The following TENM1 variants were observed in gnomAD, a reference collection of about 807,000 sequenced individuals.
TENM1 encodes the protein teneurin-1.
TENM1 carries 35 observed loss-of-function variants against 174.8 expected under a neutral mutation model. That is an observed-to-expected ratio of 0.20 (90% CI 0.15 to 0.27). The LOEUF (loss-of-function observed/expected upper bound fraction) is 0.27. Ranked by LOEUF, TENM1 falls within the 10% of genes least tolerant of loss-of-function variation. TENM1 has a pLI of 1.00. For synonymous variants in TENM1, 781 were observed against 798.7 expected, an observed-to-expected ratio of 0.98 and a Z score of 0.37; for missense variants, 1,633 against 2,130.1, an observed-to-expected ratio of 0.77 and a Z score of 4.59.
At chrX:124,977,961 TGTGTGTGAGAGAGAGA>T in the TENM1 span, among the ~76,000 whole-genome samples, 30 of 54,472 alleles carry the variant, frequency 5.5e-4, no homozygotes, top group African/African-American at 2.0e-3. Flanking sequence ...TGTGTGTGTG[TGTGTGTGAGAGAGAGA>T]GAGAGAGAGA....
the TENM1 span, among the ~76,000 whole-genome samples, chrX:125,113,331 AAC>A: frequency 9.0e-6 from 1 of 111,345 alleles, no homozygotes; most frequent in Admixed American, 9.6e-5. Flanking sequence ...AATATGCAAG[AAC>A]ACACAGGACA....
chrX:124,910,730 C>G (rs979930542), intron 1 of TENM1, among the ~76,000 whole-genome samples: 1 of 111,185 alleles, frequency 9.0e-6, no homozygotes, highest in Non-Finnish European at 1.9e-5. Flanking sequence ...GCATCAATTA[C>G]TTTGGCCGTT....
chrX:124,397,495 T>G (rs1203374227), intron 27 of TENM1, among the ~76,000 whole-genome samples: 1 of 112,465 alleles, frequency 8.9e-6, no homozygotes, highest in African/African-American at 3.2e-5. Context: ...ACTAGACAAC[T>G]GTGTTACTTG....
chrX:125,121,518 T>C, the TENM1 span, among the ~76,000 whole-genome samples: 2 of 112,256 alleles, frequency 1.8e-5, no homozygotes, highest in African/African-American at 6.5e-5. Context: ...TAGAAAATAT[T>C]TTTAAATGGC....
chrX:125,197,853 T>C, the TENM1 span, among the ~76,000 whole-genome samples: 2 of 112,094 alleles, frequency 1.8e-5, no homozygotes, highest in African/African-American at 6.5e-5. Flanking sequence ...TTACATATAT[T>C]TATCTTTCCA....
intron 3 of TENM1, among the ~76,000 whole-genome samples, chrX:124,805,616 G>C (rs2055574164): frequency 8.9e-6 from 1 of 112,505 alleles, no homozygotes; most frequent in East Asian, 2.8e-4. Context: ...GTGGGCCCTG[G>C]ATAAATGTCA....
chrX:124,862,917 G>A (rs1240155202), intron 3 of TENM1, among the ~76,000 whole-genome samples: 1 of 107,390 alleles, frequency 9.3e-6, no homozygotes, highest in Non-Finnish European at 1.9e-5. Context: ...CCTTTGTCTT[G>A]CATCTTGTAT....
the TENM1 span, among the ~76,000 whole-genome samples, chrX:124,972,240 A>G: frequency 9.0e-6 from 1 of 111,020 alleles, no homozygotes; most frequent in South Asian, 3.9e-4. Flanking sequence ...CTCGAAAAAA[A>G]AAAAAATTAA....
intron 11 of TENM1, among the ~76,000 whole-genome samples, chrX:124,617,487 A>G (rs1211433604): frequency 8.9e-6 from 1 of 112,003 alleles, no homozygotes; most frequent in East Asian, 2.8e-4. Context: ...CCCTCCTGCC[A>G]GTAATATCAA....
At chrX:124,524,460 T>C (rs1008667463) in intron 16 of TENM1, among the ~76,000 whole-genome samples, 3 of 112,125 alleles carry the variant, frequency 2.7e-5, no homozygotes, top group African/African-American at 9.7e-5. Context: ...GAGAAAGATA[T>C]CAGCAGAGGA....
chrX:124,804,225 T>C (rs757787843), intron 3 of TENM1, among the ~76,000 whole-genome samples: 1 of 112,038 alleles, frequency 8.9e-6, no homozygotes, highest in Non-Finnish European at 1.9e-5. Flanking sequence ...TTAGTTTGCA[T>C]ATTTCACCAT....
Position 124,626,269 on chromosome X carries a change from G to T in TENM1, c.2077+15522C>A, listed in dbSNP as rs754358982. ...ATAGAATTTTTAGAGCCACCAAAAG[G>T]TTCTTTGATAACTAAGATTTTTTTT... On this transcript the variant is annotated intron_variant, in intron 11 of 31. Transcript: ENST00000422452. Among the ~76,000 whole-genome samples the T allele has an allele frequency of 8.1e-5, 9 of 111,481 alleles. No individual in the cohort carries two copies. The South Asian group carries it at 3.0e-3, about 38-fold the overall frequency.
chrX:124,589,508 T>TGTAGAAGAGAATTG (rs1320910230), intron 11 of TENM1, among the ~76,000 whole-genome samples: 2 of 110,881 alleles, frequency 1.8e-5, no homozygotes, highest in Non-Finnish European at 3.8e-5. Flanking sequence ...AGCTCTTCTT[T>TGTAGAAGAGAATTG]GTACACTGGT....
chrX:124,867,972 A>T (rs1381166536), intron 3 of TENM1, among the ~76,000 whole-genome samples: 1 of 111,903 alleles, frequency 8.9e-6, no homozygotes, highest in African/African-American at 3.3e-5. Context: ...CTGATGAAAG[A>T]AATTGAAGAG....
chrX:124,773,812 T>C (rs1193745746), intron 3 of TENM1, among the ~76,000 whole-genome samples: 1 of 111,905 alleles, frequency 8.9e-6, no homozygotes, highest in African/African-American at 3.2e-5. Flanking sequence ...TGCCCTGGAC[T>C]GGGCTCTGGG....
intron 18 of TENM1, among the ~76,000 whole-genome samples, chrX:124,517,395 A>G (rs2047730077): frequency 9.1e-6 from 1 of 110,151 alleles, no homozygotes; most frequent in Non-Finnish European, 1.9e-5. Flanking sequence ...CACAATAGCA[A>G]AGACTTGGAA....
intron 3 of TENM1, among the ~76,000 whole-genome samples, chrX:124,825,718 T>A (rs946036192): frequency 8.9e-6 from 1 of 112,260 alleles, no homozygotes; most frequent in African/African-American, 3.2e-5. Flanking sequence ...AAATATTATT[T>A]CAAACATGCA....
chrX:125,168,615 A>G, the TENM1 span, among the ~76,000 whole-genome samples: 1 of 111,465 alleles, frequency 9.0e-6, no homozygotes, highest in African/African-American at 3.3e-5. Context: ...GGCCTGGCCT[A>G]ATCAAGAGAG....
chrX:124,720,245 C>T (rs1272458811), intron 4 of TENM1, among the ~76,000 whole-genome samples: 2 of 112,004 alleles, frequency 1.8e-5, no homozygotes, highest in Non-Finnish European at 3.8e-5. Context: ...CCAGTGTTAA[C>T]ATCAACATAG....
Sources: allele counts gnomAD v4.1 joint callset (sites outside exome capture counted in the v4.1 genomes callset), GRCh38; gene constraint gnomAD v4.1.1; transcripts MANE v1.5; gene names NCBI Gene and HGNC (gene_info 2026-07-23, HGNC 2026-07-21).